Variants in MILR1 observed in about 807,000 individuals in gnomAD.
MILR1 encodes allergin-1.
Under a neutral mutation model 18.5 loss-of-function variants are expected in MILR1, and 31 were observed. The observed-to-expected ratio is 1.68, with a 90% confidence interval of 1.26 to 2.26. The LOEUF is 2.26. MILR1 is among the 30% of genes most tolerant of loss of function. The pLI, the probability that MILR1 is intolerant of heterozygous loss-of-function variation, is 0.00. For missense variants in MILR1, 257 were observed against 157.4 expected (o/e 1.63, Z -3.38); for synonymous variants, 85 against 56.2 (o/e 1.51, Z -2.30).
the MILR1 span, chr17:64,481,176 T>C: frequency 3.4e-5 from 21 of 623,616 alleles, no homozygotes; most frequent in South Asian, 8.5e-4. Context: ...CAGACATTAC[T>C]AAATGGTGAC....
chr17:64,475,007 A>G, the MILR1 span, among the ~76,000 whole-genome samples: 2 of 151,936 alleles, frequency 1.3e-5, no homozygotes, highest in African/African-American at 4.8e-5. Context: ...CAGCCTGGCC[A>G]ATATGGTGAA....
chr17:64,456,317 T>G (rs1308136890), intron 3 of MILR1, among the ~76,000 whole-genome samples: 1 of 151,642 alleles, frequency 6.6e-6, no homozygotes, highest in Non-Finnish European at 1.5e-5. Flanking sequence ...TAATGCATTA[T>G]ATATATATAT....
At chr17:64,466,096 C>A (rs1555663124) in intron 6 of MILR1, among the ~76,000 whole-genome samples, 1 of 152,110 alleles carries the variant, frequency 6.6e-6, no homozygotes, top group African/African-American at 2.4e-5. Flanking sequence ...ATCCTTCTTC[C>A]CAAGGCGGTA....
At chr17:64,475,977 C>G in the MILR1 span, among the ~76,000 whole-genome samples, 3 of 151,430 alleles carry the variant, frequency 2.0e-5, no homozygotes, top group Non-Finnish European at 4.4e-5. Flanking sequence ...CCACGCCCAG[C>G]TAATTTTTTG....
At chr17:64,462,672 G>A (rs1046267944) in intron 5 of MILR1, among the ~76,000 whole-genome samples, 5 of 145,564 alleles carry the variant, frequency 3.4e-5, no homozygotes, top group Admixed American at 7.0e-5. Context: ...ATGGAGTCTC[G>A]CTCTGTTGCC....
downstream of MILR1, among the ~76,000 whole-genome samples, chr17:64,470,237 G>T (rs2144100326): frequency 6.6e-6 from 1 of 152,216 alleles, no homozygotes; most frequent in Admixed American, 6.5e-5. Context: ...GGGATTACAG[G>T]CACCCACCAC....
chr17:64,467,771 C>A, intron 9 of MILR1, 126 bp downstream of exon 9: 1 of 549,874 alleles, frequency 1.8e-6, no homozygotes, highest in Non-Finnish European at 3.3e-6. Flanking sequence ...CCCATCTCTA[C>A]TAAAAATACA....
the MILR1 span, among the ~76,000 whole-genome samples, chr17:64,492,082 T>A: frequency 2.6e-5 from 4 of 152,112 alleles, no homozygotes; most frequent in Non-Finnish European, 5.9e-5. Flanking sequence ...TTATGGCCAA[T>A]GAAGAGGGGA....
downstream of MILR1, among the ~76,000 whole-genome samples, chr17:64,472,808 G>A (rs2037710291): frequency 6.6e-6 from 1 of 152,174 alleles, no homozygotes; most frequent in South Asian, 2.1e-4. Flanking sequence ...TCCACTGTTA[G>A]GTGAAGCATG....
chr17:64,464,304 T>G (rs1425512217), intron 5 of MILR1, among the ~76,000 whole-genome samples: 1 of 150,232 alleles, frequency 6.7e-6, no homozygotes, highest in Non-Finnish European at 1.5e-5. Flanking sequence ...TTTTGTAGGT[T>G]TCACCATGTT....
the MILR1 span, among the ~76,000 whole-genome samples, chr17:64,480,963 AC>A: frequency 1.3e-5 from 2 of 152,366 alleles, no homozygotes; most frequent in Non-Finnish European, 2.9e-5. Flanking sequence ...AATAAATGAC[AC>A]AGTAAACTTA....
chr17:64,480,892 C>G, the MILR1 span, among the ~76,000 whole-genome samples: 4 of 152,168 alleles, frequency 2.6e-5, no homozygotes, highest in Admixed American at 6.6e-5. Flanking sequence ...AGAGACTGAT[C>G]AACCCATTTC....
chr17:64,453,205 A>T (rs1295460458), intron 3 of MILR1, among the ~76,000 whole-genome samples: 1 of 151,760 alleles, frequency 6.6e-6, no homozygotes, highest in Non-Finnish European at 1.5e-5. Context: ...AGTAGCTGGG[A>T]TTACAGGCAC....
chr17:64,469,191 A>T (rs1353370596), downstream of MILR1, among the ~76,000 whole-genome samples: 2 of 152,160 alleles, frequency 1.3e-5, no homozygotes, highest in Non-Finnish European at 2.9e-5. Context: ...GGAATAATAT[A>T]TTTTATTTAA....
rs118199922 is a variant in MILR1, at chr17:64,453,811, C to A, written c.367+945C>A. ...TTCTAGGTAACACATGTATGTTATA[C>A]CTGGAGTCTTCAAAGCGTAGGGACC... On this transcript the variant is annotated intron_variant, in intron 3 of 9. Coordinates refer to ENST00000619286, the MANE Select transcript of MILR1 (RefSeq NM_001085423.2). 6.1e-3 allele frequency among the ~76,000 whole-genome samples: 930 copies of A among 152,194 alleles called. 8 individuals carry two copies. Among genetic ancestry groups the A allele is most frequent in the African/African-American group, 0.022 (893 of 41,518 alleles).
At chr17:64,452,034 A>G (rs2037183229) in intron 2 of MILR1, among the ~76,000 whole-genome samples, 1 of 151,560 alleles carries the variant, frequency 6.6e-6, no homozygotes, top group Non-Finnish European at 1.5e-5. Flanking sequence ...GCATTTTTGA[A>G]GAGTCTAAAT....
At chr17:64,459,442 A>AAAG (rs1260029301) in intron 4 of MILR1, among the ~76,000 whole-genome samples, 1 of 152,028 alleles carries the variant, frequency 6.6e-6, no homozygotes. Flanking sequence ...CTCAAAGAAA[A>AAAG]AAGAAAAAGA....
At chr17:64,476,213 AT>A in the MILR1 span, among the ~76,000 whole-genome samples, 23 of 152,234 alleles carry the variant, frequency 1.5e-4, no homozygotes, top group Admixed American at 5.9e-4. Flanking sequence ...TCAGACAAGG[AT>A]TTTTTTAAAA....
At chr17:64,472,465 CAAAAAAAAA>C (rs71158332), downstream of MILR1, among the ~76,000 whole-genome samples, 6 of 13,914 alleles carry the variant, frequency 4.3e-4, no homozygotes, top group Admixed American at 1.3e-3. Flanking sequence ...GACTCCATCT[CAAAAAAAAA>C]AAAAAAAAAA....
Sources: gnomAD v4.1 joint callset for allele counts (sites outside exome capture counted in the v4.1 genomes callset) on GRCh38, gnomAD v4.1.1 for gene constraint, MANE v1.5 for transcripts, NCBI Gene and HGNC (gene_info 2026-07-23, HGNC 2026-07-21) for gene names.